Variants in C19orf18 observed in about 807,000 individuals in gnomAD.
C19orf18 encodes the protein uncharacterized protein C19orf18.
A neutral mutation model predicts 23.3 loss-of-function variants in C19orf18; 21 were observed. The observed-to-expected ratio is 0.90, with a 90% CI of 0.64 to 1.30. C19orf18 has a LOEUF of 1.30. C19orf18 is among the 50% of genes most tolerant of loss of function. C19orf18 has a pLI of 0.00. For missense variants in C19orf18, 249 were observed against 259.6 expected (o/e 0.96, Z 0.28); for synonymous variants, 96 against 95.2 (o/e 1.01, Z -0.05).
chr19:57,970,573 A>C (rs1186727533), intron 3 of C19orf18, among the ~76,000 whole-genome samples: 2 of 151,794 alleles, frequency 1.3e-5, no homozygotes, highest in East Asian at 3.9e-4. Context: ...TAAGGTAGAC[A>C]TCTTTCCATA....
rs182222908 is a variant in C19orf18, at chr19:57,960,917, C to T, written c.532+474G>A. 2.3e-3 allele frequency among the ~76,000 whole-genome samples: 345 copies of T among 152,186 alleles called. 1 individual carries two copies. The highest frequency in any genetic ancestry group is 7.8e-3 in the African/African-American group (324 of 41,524). On this transcript the variant is annotated intron_variant, in intron 5 of 5. Transcript: ENST00000314391. Reference sequence around the variant, plus strand: ...GCCACAGGCCAGGCGCGGTGGCTCACGCCTGTAATCCCAGCACTTTGGGAG... The same window carrying T: ...GCCACAGGCCAGGCGCGGTGGCTCATGCCTGTAATCCCAGCACTTTGGGAG...
chr19:57,968,398 T>TTGGCCTAAGAGGATGGAAGC (rs1192892948), intron 3 of C19orf18, among the ~76,000 whole-genome samples: 1 of 152,096 alleles, frequency 6.6e-6, no homozygotes, highest in Non-Finnish European at 1.5e-5. Context: ...AGTCCTTGAG[T>TTGGCCTAAGAGGATGGAAGC]TGGCCTAAGA....
At chr19:57,974,035 T>C (rs935061020) in intron 2 of C19orf18, 64 bp downstream of exon 2, 2 of 1,481,206 alleles carry the variant, frequency 1.4e-6, no homozygotes, top group Non-Finnish European at 1.9e-6. Context: ...CACATTCACA[T>C]GGCAGATAAG....
intron 3 of C19orf18, among the ~76,000 whole-genome samples, chr19:57,967,615 G>A (rs1015499861): frequency 2.6e-5 from 4 of 152,018 alleles, no homozygotes; most frequent in African/African-American, 7.2e-5. Context: ...CATCGGGTGC[G>A]GTGGCAGGTG....
At chr19:57,973,810 C>T (rs1209064921) in intron 2 of C19orf18, among the ~76,000 whole-genome samples, 1 of 151,914 alleles carries the variant, frequency 6.6e-6, no homozygotes, top group Non-Finnish European at 1.5e-5. Flanking sequence ...CAAATGTGCA[C>T]CAAATTCAAG....
chr19:57,972,586 A>G (rs11668548), intron 2 of C19orf18, 82 bp from the exon 3 acceptor site: 340,699 of 1,488,998 alleles, frequency 0.23, 40,855 homozygotes, highest in African/African-American at 0.33. Flanking sequence ...GAAATAACTT[A>G]GCATTAGAGA....
chr19:57,960,634 T>C (rs958686912), intron 5 of C19orf18, among the ~76,000 whole-genome samples: 1 of 152,112 alleles, frequency 6.6e-6, no homozygotes, highest in African/African-American at 2.4e-5. Flanking sequence ...TCTGCGTGTC[T>C]GTGTTCTGAA....
chr19:57,970,709 T>A (rs1417319163), intron 3 of C19orf18, among the ~76,000 whole-genome samples: 2 of 151,890 alleles, frequency 1.3e-5, no homozygotes, highest in African/African-American at 4.8e-5. Context: ...GTAGCTGGCC[T>A]CCACCATGCC....
chr19:57,971,118 G>C (rs2072941744), intron 3 of C19orf18, among the ~76,000 whole-genome samples: 1 of 152,108 alleles, frequency 6.6e-6, no homozygotes, highest in African/African-American at 2.4e-5. Context: ...AATGTGTTTG[G>C]CGTGGATGGA....
chr19:57,963,908 A>T (rs926655380), intron 4 of C19orf18, among the ~76,000 whole-genome samples: 2 of 152,116 alleles, frequency 1.3e-5, no homozygotes, highest in African/African-American at 4.8e-5. Flanking sequence ...TAAAAATAAA[A>T]ATAAATATTT....
intron 3 of C19orf18, among the ~76,000 whole-genome samples, chr19:57,969,528 C>A (rs1369456900): frequency 2.9e-4 from 36 of 124,094 alleles, no homozygotes; most frequent in African/African-American, 9.6e-4. Flanking sequence ...GCACTCCAGC[C>A]TGGGTGACAG....
In C19orf18 at chr19:57,964,763, T is replaced by G. The variant is rs533385886; in HGVS notation, c.371+1767A>C. 9.8e-5 allele frequency among the ~76,000 whole-genome samples: 15 copies of G among 152,342 alleles called. No individual in the cohort carries two copies. The South Asian group carries it at 3.1e-3, about 32-fold the overall frequency. On this transcript the variant is annotated intron_variant, in intron 4 of 5. Transcript: ENST00000314391. The stretch of plus-strand genomic sequence containing the variant: ...ATATCTCACACATGGCAATATATCT[T>G]GTTTTCACACTTAATTCAACGAAGC...
intron 4 of C19orf18, among the ~76,000 whole-genome samples, chr19:57,965,385 T>G (rs1387579689): frequency 1.3e-5 from 2 of 152,128 alleles, no homozygotes; most frequent in Non-Finnish European, 2.9e-5. Context: ...TGTACCCGCC[T>G]CAGCCTCCCA....
At chr19:57,971,870 T>C (rs759530287) in intron 3 of C19orf18, among the ~76,000 whole-genome samples, 1 of 152,130 alleles carries the variant, frequency 6.6e-6, no homozygotes, top group South Asian at 2.1e-4. Flanking sequence ...GACCCGTGAG[T>C]ATCAGGCTTC....
chr19:57,965,153 C>T (rs257671), intron 4 of C19orf18, among the ~76,000 whole-genome samples: 4 of 148,616 alleles, frequency 2.7e-5, no homozygotes, highest in South Asian at 4.3e-4. Context: ...TTATTATTTG[C>T]GACAGAGTTT....
At chr19:57,967,053 C>T (rs2072913732) in intron 3 of C19orf18, among the ~76,000 whole-genome samples, 1 of 150,682 alleles carries the variant, frequency 6.6e-6, no homozygotes. Context: ...CACTGCACTC[C>T]AGCCTGGGCA....
intron 3 of C19orf18, among the ~76,000 whole-genome samples, chr19:57,971,518 T>TAG (rs1448259688): frequency 6.6e-5 from 10 of 152,108 alleles, no homozygotes; most frequent in Non-Finnish European, 1.5e-4. Context: ...TTGCCCAGGC[T>TAG]AGAGTGCAGC....
intron 4 of C19orf18, among the ~76,000 whole-genome samples, chr19:57,962,294 C>T (rs1473202687): frequency 1.3e-5 from 2 of 152,050 alleles, no homozygotes; most frequent in Admixed American, 1.3e-4. Context: ...TCCTTGGCCT[C>T]CCAAAACACT....
chr19:57,967,824 A>G (rs1338888069), intron 3 of C19orf18, among the ~76,000 whole-genome samples: 1 of 148,194 alleles, frequency 6.7e-6, no homozygotes. Flanking sequence ...CCTGACCAAC[A>G]CGGCGAAACC....
Sources: allele counts gnomAD v4.1 joint callset (sites outside exome capture counted in the v4.1 genomes callset), GRCh38; gene constraint gnomAD v4.1.1; transcripts MANE v1.5; gene names NCBI Gene and HGNC (gene_info 2026-07-23, HGNC 2026-07-21).